Variants in FNDC3B observed in about 807,000 individuals in gnomAD.
FNDC3B encodes fibronectin type III domain containing 3B.
In FNDC3B, 12 loss-of-function variants were observed where a neutral mutation model predicts 151.5. That is an observed-to-expected ratio of 0.08 (90% CI 0.05 to 0.13). FNDC3B has a LOEUF of 0.13. FNDC3B is among the 10% of genes least tolerant of loss of function. The pLI, the probability that FNDC3B is intolerant of heterozygous loss-of-function variation, is 1.00. For missense variants in FNDC3B, 1,214 were observed against 1,505.3 expected (o/e 0.81, Z 3.20); for synonymous variants, 528 against 549.0 (o/e 0.96, Z 0.54).
intron 3 of FNDC3B, among the ~76,000 whole-genome samples, chr3:172,223,745 G>T (rs866440321): frequency 1.2e-4 from 18 of 152,190 alleles, no homozygotes; most frequent in Admixed American, 3.9e-4. Flanking sequence ...TGTTGCATGG[G>T]TGTGGAATAT....
In FNDC3B at chr3:172,334,999, C is replaced by T. The variant is rs770426040; in HGVS notation, c.1697C>T (p.Thr566Met). The change falls in exon 15 of 26, where the codon ACG (threonine) becomes ATG (methionine). Residue 566 changes from threonine to methionine, a missense_variant. This residue lies in a region of FNDC3B where 380 missense variants were observed against 420.9 expected (regional missense o/e 0.90). Transcript: ENST00000415807. ...KSCPSEVLVC[T>M]TSPDRPGPPT... ...TGTCCAAGCGAAGTTCTTGTTTGTA[C>T]GACGAGTCCTGACAGGCCTGGACCT... 6.2e-6 allele frequency: 10 copies of T among 1,613,538 alleles called. No homozygotes were observed. Among genetic ancestry groups the T allele is most frequent in the African/African-American group, 2.7e-5 (2 of 74,838 alleles).
At chr3:172,134,560 A>G (rs906300667) in intron 3 of FNDC3B, among the ~76,000 whole-genome samples, 1 of 152,204 alleles carries the variant, frequency 6.6e-6, no homozygotes, top group South Asian at 2.1e-4. Context: ...TCGGTTTCCC[A>G]TAATAAGCTG....
intron 23 of FNDC3B, among the ~76,000 whole-genome samples, chr3:172,371,111 C>A (rs892708042): frequency 6.6e-6 from 1 of 152,038 alleles, no homozygotes; most frequent in African/African-American, 2.4e-5. Flanking sequence ...GGGCAACACC[C>A]TCCCCCCTTG....
intron 4 of FNDC3B, among the ~76,000 whole-genome samples, chr3:172,229,119 AC>A (rs1726750565): frequency 9.3e-5 from 14 of 151,276 alleles, no homozygotes; most frequent in South Asian, 4.2e-4. Flanking sequence ...ACACACACAC[AC>A]ACACACACAC....
At chr3:172,069,426 A>G (rs1717660074) in intron 1 of FNDC3B, among the ~76,000 whole-genome samples, 1 of 152,182 alleles carries the variant, frequency 6.6e-6, no homozygotes, top group Admixed American at 6.5e-5. Flanking sequence ...CTTTTAGGCA[A>G]AGGTTGAGAT....
At chr3:172,181,526 A>G (rs905804602) in intron 3 of FNDC3B, among the ~76,000 whole-genome samples, 63 of 151,080 alleles carry the variant, frequency 4.2e-4, no homozygotes, top group Non-Finnish European at 7.5e-4. Context: ...GGAGGAGGGA[A>G]GTAATTAAGA....
At chr3:172,274,951 T>C (rs1560052025) in intron 6 of FNDC3B, among the ~76,000 whole-genome samples, 1 of 152,230 alleles carries the variant, frequency 6.6e-6, no homozygotes, top group Non-Finnish European at 1.5e-5. Context: ...TCTGAGGCAC[T>C]GGGGGGCCAA....
rs532190105 is a variant in FNDC3B, at chr3:172,378,426, C to A, written c.3165C>A (p.Pro1055=). Residue 1055 remains proline, a synonymous_variant, in exon 24 of 26, where the codon CCC becomes CCA. Transcript: ENST00000415807. ...YTFSTTKSVP[P]TIKAPRVTQL... is the part of the protein sequence containing the mutation. ...TCAGCACAACCAAAAGTGTCCCCCC[C>A]ACCATCAAAGGTGTGTAGACTATGT... 1.5e-5 allele frequency: 24 copies of A among 1,611,084 alleles called. No homozygotes were observed. Among genetic ancestry groups the A allele is most frequent in the Non-Finnish European group, 1.9e-5 (22 of 1,178,850 alleles).
At chr3:172,288,789 C>T (rs1730156164) in intron 7 of FNDC3B, among the ~76,000 whole-genome samples, 2 of 152,166 alleles carry the variant, frequency 1.3e-5, no homozygotes, top group Non-Finnish European at 1.5e-5. Context: ...AGGAAGTGGG[C>T]GTCTCTGGAC....
rs763071732 is a variant in FNDC3B at position 172,347,192 on chromosome 3, T to C, written c.2365-20T>C. 6.2e-7 allele frequency: 1 copy of C among 1,602,810 alleles called. No individual in the cohort carries two copies. The highest frequency in any genetic ancestry group is 8.5e-7 in the Non-Finnish European group (1 of 1,173,780). On this transcript the variant is annotated intron_variant, in intron 20 of 25. Transcript: ENST00000415807. ...TCTTCTCAGTGGCATTATTAACTAC[T>C]TCCATTTCTGCCTTTCCAGAGTCCT... is the stretch of plus-strand genomic sequence containing the variant.
chr3:172,088,649 T>C (rs926238758), intron 1 of FNDC3B, among the ~76,000 whole-genome samples: 4 of 152,246 alleles, frequency 2.6e-5, no homozygotes, highest in Non-Finnish European at 5.9e-5. Flanking sequence ...TGACAATACT[T>C]ATCCTACAAA....
intron 1 of FNDC3B, among the ~76,000 whole-genome samples, chr3:172,083,677 G>A (rs952098784): frequency 6.6e-6 from 1 of 152,148 alleles, no homozygotes; most frequent in African/African-American, 2.4e-5. Flanking sequence ...AATGAAAATG[G>A]TAAGTGCTGG....
At chr3:172,351,877 G>T (rs1733875018) in intron 21 of FNDC3B, among the ~76,000 whole-genome samples, 1 of 152,168 alleles carries the variant, frequency 6.6e-6, no homozygotes, top group Admixed American at 6.5e-5. Context: ...GAGCTGTGTG[G>T]ACATTTGAGT....
At chr3:172,052,347 G>T (rs1716708127) in intron 1 of FNDC3B, among the ~76,000 whole-genome samples, 1 of 151,898 alleles carries the variant, frequency 6.6e-6, no homozygotes, top group Non-Finnish European at 1.5e-5. Flanking sequence ...CTAAGTGCTG[G>T]GATTACAGGC....
At chr3:172,281,516 G>A (rs944921618) in intron 6 of FNDC3B, among the ~76,000 whole-genome samples, 2 of 152,180 alleles carry the variant, frequency 1.3e-5, no homozygotes, top group African/African-American at 2.4e-5. Context: ...AAATGGTTTC[G>A]ATCTGTTTAC....
intron 3 of FNDC3B, among the ~76,000 whole-genome samples, chr3:172,214,185 T>G (rs182274444): frequency 6.6e-6 from 1 of 152,290 alleles, no homozygotes; most frequent in East Asian, 1.9e-4. Flanking sequence ...CTATTTGTAG[T>G]TGTTGTTTAC....
At chr3:172,252,436 C>T (rs934707887) in intron 6 of FNDC3B, among the ~76,000 whole-genome samples, 5 of 151,678 alleles carry the variant, frequency 3.3e-5, no homozygotes, top group Non-Finnish European at 2.9e-5. Flanking sequence ...GACACAGTCC[C>T]AGTTTCTACC....
At chr3:172,255,957 G>A (rs1380242884) in intron 6 of FNDC3B, among the ~76,000 whole-genome samples, 13 of 152,194 alleles carry the variant, frequency 8.5e-5, no homozygotes, top group Admixed American at 7.9e-4. Flanking sequence ...GCCCAGAAGG[G>A]CCACCTTATG....
intron 12 of FNDC3B, 82 bp from the exon 13 acceptor site, chr3:172,330,459 G>A (rs1479000753): frequency 1.6e-6 from 2 of 1,267,856 alleles, no homozygotes; most frequent in East Asian, 2.4e-5. Flanking sequence ...GTTGGGTAGT[G>A]TGCAGGCTGA....
Sources: gnomAD v4.1 joint callset for allele counts (sites outside exome capture counted in the v4.1 genomes callset) on GRCh38, gnomAD v4.1.1 for gene constraint, gnomAD v4.1.1 regional missense constraint, MANE v1.5 for transcripts, NCBI Gene and HGNC (gene_info 2026-07-23, HGNC 2026-07-21) for gene names.